MBL2: variants seen among roughly 807,000 people sequenced by gnomAD.
MBL2 encodes the protein mannose-binding protein C.
In MBL2, 6 loss-of-function variants were observed where a neutral mutation model predicts 12.7. The observed-to-expected ratio is 0.47, with a 90% CI of 0.26 to 0.94. The LOEUF (loss-of-function observed/expected upper bound fraction) is 0.94, where lower values mean the gene tolerates loss of function less well. Among genes scored for constraint, MBL2 ranks in the 40% least tolerant of loss-of-function variants. The pLI, the probability that MBL2 is intolerant of heterozygous loss-of-function variation, is 0.15. For missense variants in MBL2, 307 were observed against 295.2 expected (o/e 1.04, Z -0.29); for synonymous variants, 114 against 112.0 (o/e 1.02, Z -0.11).
At position 52,766,554 on chromosome 10, in the gene MBL2, G is replaced by C. The variant is rs1840307305; in HGVS notation, c.*1583C>G. On this transcript the variant is annotated 3_prime_UTR_variant, in exon 5 of 5. Transcript: ENST00000674931. ...AATATCTTCATGATTTCAAAATCAT[G>C]AAAAATCTCTTCATGGTTTCAAAAT... 2 of 151,950 alleles carry C rather than the reference G, an allele frequency of 1.3e-5. No individual in the cohort carries two copies. The highest frequency in any genetic ancestry group is 6.6e-5 in the Admixed American group (1 of 15,250). The allele number at this position is 151,950 out of a possible 1,614,324, so 9.4% of individuals were successfully genotyped here. A position where few individuals can be genotyped will look rare whatever the true frequency, so the allele number is the denominator to read the frequency against.
At chr10:52,769,917 A>G (rs1290415042) in intron 3 of MBL2, among the ~76,000 whole-genome samples, 1 of 78,912 alleles carries the variant, frequency 1.3e-5, no homozygotes, top group South Asian at 3.6e-4. Flanking sequence ...ACATGAGTCT[A>G]TTACCCCACT....
Position 52,768,397 on chromosome 10 carries a change from C to T in MBL2, c.487G>A (p.Ala163Thr), listed in dbSNP as rs1840339189. ...TTCTCTGCAGCATTCCTGGGGGTGGCCACAGAGGCCTGGAACTTGACACAC... is the reference window on the plus strand; with the variant it reads ...TTCTCTGCAGCATTCCTGGGGGTGGTCACAGAGGCCTGGAACTTGACACAC... ...ALCVKFQASV[A>T]TPRNAAENGA... The change falls in exon 5 of 5, where the codon GCC (alanine) becomes ACC (threonine). Residue 163 changes from alanine to threonine, a missense_variant. Transcript: ENST00000674931. 1.2e-6 allele frequency: 2 copies of T among 1,613,710 alleles called. No homozygotes were observed. Among genetic ancestry groups the T allele is most frequent in the Non-Finnish European group, 1.7e-6 (2 of 1,179,960 alleles).
chr10:52,771,446 T>C lies in MBL2; in HGVS notation c.187+3A>G. 6.2e-7 allele frequency: 1 copy of C among 1,613,578 alleles called. No homozygotes were observed. Among genetic ancestry groups the C allele is most frequent in the South Asian group, 1.1e-5 (1 of 91,050 alleles). On this transcript the variant is annotated splice_donor_region_variant and intron_variant, in intron 2 of 4. Transcript: ENST00000674931. ...TGCAGAGACAGAACAGCCCAACACG[T>C]ACCTGGTTCCCCCTTTTCTCCCTTG...
At position 52,766,692 on chromosome 10, in the gene MBL2, A is replaced by G. The variant is rs148385740; in HGVS notation, c.*1445T>C. The stretch of plus-strand genomic sequence containing the variant: ...AATAAGACTTTCTCAAAATTAGGAA[A>G]TTTTGTTCATCAAAATTCAACATTA... On this transcript the variant is annotated 3_prime_UTR_variant, in exon 5 of 5. Transcript: ENST00000674931. 2.2e-4 allele frequency: 33 copies of G among 152,298 alleles called. No homozygotes were observed. Among genetic ancestry groups the G allele is most frequent in the African/African-American group, 7.9e-4 (33 of 41,588 alleles). 9.4% of individuals were successfully genotyped at this position (152,298 alleles called of 1,614,324 possible). A position where few individuals can be genotyped will look rare whatever the true frequency, so the allele number is the denominator to read the frequency against.
In MBL2 at chr10:52,765,417, G is replaced by A. The variant is rs914288208; in HGVS notation, c.*2720C>T. On this transcript the variant is annotated 3_prime_UTR_variant, in exon 5 of 5. Transcript: ENST00000674931. ...GAGTTTATTCCATCAAAGCAAGGTT[G>A]ATTTAATTTTTAAAAATCGATATGT... The A allele has an allele frequency of 2.6e-5, 4 of 152,044 alleles. No individual in the cohort carries two copies. Among genetic ancestry groups the A allele is most frequent in the African/African-American group, 9.7e-5 (4 of 41,392 alleles). The allele number at this position is 152,044 out of a possible 1,614,324, so 9.4% of individuals were successfully genotyped here.
rs566596854 is a variant in MBL2, at chr10:52,768,576, A to G, written c.374-66T>C. The stretch of plus-strand genomic sequence containing the variant: ...GCCCAACTCAAGGTATTTCTCAAGA[A>G]AAAGTCTTCTAGAGTACAGTTGCCG... On this transcript the variant is annotated intron_variant, in intron 4 of 4. Coordinates refer to ENST00000674931, the MANE Select transcript of MBL2 (RefSeq NM_001378373.1). The G allele has an allele frequency of 1.9e-5, 24 of 1,269,330 alleles. No homozygotes were observed. The East Asian group carries it at 5.0e-4, about 26-fold the overall frequency. The allele number at this position is 1,269,330 out of a possible 1,614,324, so 78.6% of individuals were successfully genotyped here.
intron 2 of MBL2, among the ~76,000 whole-genome samples, chr10:52,771,163 G>A (rs577976553): frequency 2.6e-5 from 4 of 152,094 alleles, no homozygotes; most frequent in Non-Finnish European, 4.4e-5. Context: ...CCCTACTGAA[G>A]TGAATAGGGG....
rs1050609117 is a variant in MBL2 at position 52,772,773 on chromosome 10, C to T, written c.-46G>A. 2.0e-5 allele frequency: 20 copies of T among 985,118 alleles called. No homozygotes were observed. Among genetic ancestry groups the T allele is most frequent in the African/African-American group, 7.0e-5 (4 of 57,200 alleles). 61.0% of individuals were successfully genotyped at this position (985,118 alleles called of 1,614,324 possible). ...CAGAGCAGGGACTCAGTGACAAGGA[C>T]GCTGGCCCTCTAGCCTGGGGCTCTG... On this transcript the variant is annotated 5_prime_UTR_variant, in exon 1 of 5. Coordinates refer to ENST00000674931, the MANE Select transcript of MBL2 (RefSeq NM_001378373.1).
chr10:52,771,422 G>A (rs780834053), intron 2 of MBL2, 27 bp downstream of exon 2: 2 of 1,607,760 alleles, frequency 1.2e-6, no homozygotes, highest in Non-Finnish European at 1.7e-6. Flanking sequence ...GTAAAGAATT[G>A]CAGAGACAGA....
intron 3 of MBL2, among the ~76,000 whole-genome samples, chr10:52,769,896 C>G (rs1417006046): frequency 6.9e-6 from 1 of 144,476 alleles, no homozygotes; most frequent in East Asian, 2.0e-4. Context: ...GGTACAGCTC[C>G]TCGCATTAAG....
At chr10:52,769,994 T>TCTGAGTCTTCAAGAAGCCTAA (rs1185779479) in intron 3 of MBL2, among the ~76,000 whole-genome samples, 12 of 152,244 alleles carry the variant, frequency 7.9e-5, no homozygotes, top group African/African-American at 2.9e-4. Context: ...GATAATGTGC[T>TCTGAGTCTTCAAGAAGCCTAA]CTGAGTCTTC....
intron 2 of MBL2, among the ~76,000 whole-genome samples, chr10:52,771,083 A>G (rs17334270): frequency 0.29 from 44,542 of 152,104 alleles, 7,901 homozygotes; most frequent in African/African-American, 0.51. Flanking sequence ...CTGTAAACAG[A>G]TTCCCCCAGT....
rs1840330058 is a variant in MBL2 at position 52,767,911 on chromosome 10, G to A, written c.*226C>T. ...AGGATGCAAAAGATAGGGCCTCATA[G>A]TATATATTAAAAATATTATATAATT... On this transcript the variant is annotated 3_prime_UTR_variant, in exon 5 of 5. Transcript: ENST00000674931. The A allele has an allele frequency of 2.5e-6, 1 of 395,572 alleles. No individual in the cohort carries two copies. Among genetic ancestry groups the A allele is most frequent in the Admixed American group, 4.0e-5 (1 of 24,828 alleles). 24.5% of individuals were successfully genotyped at this position (395,572 alleles called of 1,614,324 possible).
chr10:52,768,950 G>A (rs1840349231), intron 4 of MBL2, among the ~76,000 whole-genome samples: 1 of 152,014 alleles, frequency 6.6e-6, no homozygotes. Context: ...GTGCAACAAA[G>A]GGATATAAGT....
At chr10:52,771,333 G>T in intron 2 of MBL2, 116 bp downstream of exon 2, 1 of 1,142,334 alleles carries the variant, frequency 8.8e-7, no homozygotes, top group Non-Finnish European at 1.2e-6. Context: ...TCTCTGTTTT[G>T]AGTTACAGTA....
In MBL2 at chr10:52,767,595, G is replaced by C. The variant is rs966813748; in HGVS notation, c.*542C>G. The C allele has an allele frequency of 6.6e-6, 1 of 151,980 alleles. No homozygotes were observed. Among genetic ancestry groups the C allele is most frequent in the African/African-American group, 2.4e-5 (1 of 41,258 alleles). The allele number at this position is 151,980 out of a possible 1,614,324, so 9.4% of individuals were successfully genotyped here. A position where few individuals can be genotyped will look rare whatever the true frequency, so the allele number is the denominator to read the frequency against. On this transcript the variant is annotated 3_prime_UTR_variant, in exon 5 of 5. Transcript: ENST00000674931. ...TGAGAATTTGTGAAGCTGTTTGCTT[G>C]AGATTTGTTATTTATGTTCTTTACA...
At chr10:52,769,479 T>C (rs1840358516) in intron 3 of MBL2, among the ~76,000 whole-genome samples, 164 bp from the exon 4 acceptor site, 1 of 152,134 alleles carries the variant, frequency 6.6e-6, no homozygotes, top group Non-Finnish European at 1.5e-5. Context: ...GCCCAAAGAA[T>C]GAAAAATCGC....
At chr10:52,769,416 G>C (rs1172587604) in intron 3 of MBL2, 101 bp from the exon 4 acceptor site, 1 of 654,138 alleles carries the variant, frequency 1.5e-6, no homozygotes, top group Non-Finnish European at 2.6e-6. Flanking sequence ...GAAAAAAAAA[G>C]CTTATTTTAC....
At position 52,768,187 on chromosome 10, in the gene MBL2, C is replaced by G; in HGVS notation, c.697G>C (p.Asp233His). The change falls in exon 5 of 5, where the codon GAC (aspartate) becomes CAC (histidine). Residue 233 changes from aspartate to histidine, a missense_variant. Physicochemically the swap from Asp to His is moderately conservative, Grantham distance 81. Coordinates refer to ENST00000674931, the MANE Select transcript of MBL2 (RefSeq NM_001378373.1). ...AGATGGGAGGTGGAGCAGGGGACGT[C>G]ATTCCACTGGCCATTTTTCAGTAGC... Reference protein sequence around the residue: ...VLLLKNGQWNDVPCSTSHLAV... With the variant: ...VLLLKNGQWNHVPCSTSHLAV... 4.3e-6 allele frequency: 7 copies of G among 1,613,056 alleles called. No homozygotes were observed. The highest frequency in any genetic ancestry group is 5.9e-6 in the Non-Finnish European group (7 of 1,179,668).
Sources: allele counts gnomAD v4.1 joint callset (sites outside exome capture counted in the v4.1 genomes callset), GRCh38; gene constraint gnomAD v4.1.1; transcripts MANE v1.5; gene names NCBI Gene and HGNC (gene_info 2026-07-23, HGNC 2026-07-21).